The following SH3BGRL2 variants were observed in gnomAD, a reference collection of about 807,000 sequenced individuals.
SH3BGRL2 encodes SH3 domain-binding glutamic acid-rich-like protein 2.
SH3BGRL2 carries 21 observed loss-of-function variants against 14.8 expected under a neutral mutation model. The ratio of observed to expected loss-of-function variants is 1.42; its 90% CI spans 1.01 to 2.05. SH3BGRL2 has a LOEUF of 2.05. Among genes scored for constraint, SH3BGRL2 ranks in the 30% most tolerant of loss-of-function variants. The pLI is 0.00. For synonymous variants in SH3BGRL2, 50 were observed against 47.8 expected (o/e 1.05, Z -0.19); for missense variants, 147 against 130.8 (o/e 1.12, Z -0.61).
the SH3BGRL2 span, among the ~76,000 whole-genome samples, chr6:79,568,575 A>G: frequency 6.6e-6 from 1 of 152,164 alleles, no homozygotes; most frequent in African/African-American, 2.4e-5. Flanking sequence ...ACTACAACAA[A>G]AAAAATTGGA....
intron 1 of SH3BGRL2, among the ~76,000 whole-genome samples, chr6:79,650,323 C>T (rs935979358): frequency 7.2e-5 from 11 of 152,068 alleles, no homozygotes; most frequent in Non-Finnish European, 1.3e-4. Flanking sequence ...GGGAAGCTAA[C>T]ATTACTCAGT....
At chr6:79,661,109 C>CT (rs1394982465) in intron 1 of SH3BGRL2, among the ~76,000 whole-genome samples, 3 of 151,938 alleles carry the variant, frequency 2.0e-5, no homozygotes, top group African/African-American at 7.2e-5. Context: ...TTTTTGAAGG[C>CT]TTTTTTGTGT....
the SH3BGRL2 span, among the ~76,000 whole-genome samples, chr6:79,586,299 G>T: frequency 1.1e-5 from 1 of 93,116 alleles, no homozygotes; most frequent in African/African-American, 4.3e-5. Context: ...TATTTTACAT[G>T]TGGCCCAAGA....
chr6:79,691,462 G>A (rs555239160), intron 2 of SH3BGRL2, among the ~76,000 whole-genome samples: 50 of 144,738 alleles, frequency 3.5e-4, no homozygotes, highest in Non-Finnish European at 7.1e-4. Flanking sequence ...CCATTAACTC[G>A]TCATTTAGCA....
At chr6:79,565,721 A>G in the SH3BGRL2 span, among the ~76,000 whole-genome samples, 1,881 of 152,296 alleles carry the variant, frequency 0.012, 35 homozygotes, top group African/African-American at 0.043. Context: ...CACATTTACG[A>G]ATACCCTTTG....
At chr6:79,577,973 G>C in the SH3BGRL2 span, among the ~76,000 whole-genome samples, 1 of 152,244 alleles carries the variant, frequency 6.6e-6, no homozygotes, top group Non-Finnish European at 1.5e-5. Context: ...ATTCTCTCCT[G>C]TGCCTGGACC....
At chr6:79,589,206 A>ATATT in the SH3BGRL2 span, among the ~76,000 whole-genome samples, 8 of 141,428 alleles carry the variant, frequency 5.7e-5, no homozygotes, top group Admixed American at 1.4e-4. Context: ...ATATATATAT[A>ATATT]TTTTTTTTTT....
intron 1 of SH3BGRL2, among the ~76,000 whole-genome samples, chr6:79,632,206 T>C (rs76224249): frequency 0.022 from 3,284 of 152,302 alleles, 123 homozygotes; most frequent in African/African-American, 0.075. Flanking sequence ...TGGTTTTCTA[T>C]TTAATTATTT....
the SH3BGRL2 span, among the ~76,000 whole-genome samples, chr6:79,604,320 A>G: frequency 6.6e-6 from 1 of 152,210 alleles, no homozygotes; most frequent in East Asian, 1.9e-4. Flanking sequence ...GTTCAAAGCC[A>G]CCTTCCACTT....
intron 2 of SH3BGRL2, among the ~76,000 whole-genome samples, chr6:79,695,544 G>A (rs1770314430): frequency 6.6e-6 from 1 of 152,160 alleles, no homozygotes; most frequent in Non-Finnish European, 1.5e-5. Context: ...ATGCACCCTA[G>A]AGTACAGAAA....
chr6:79,647,384 C>T (rs9352751), intron 1 of SH3BGRL2, among the ~76,000 whole-genome samples: 14,950 of 151,584 alleles, frequency 0.099, 1,058 homozygotes, highest in East Asian at 0.32. Context: ...CTATTCCTTG[C>T]GCAGACCATA....
chr6:79,587,700 C>T, the SH3BGRL2 span, among the ~76,000 whole-genome samples: 1 of 152,036 alleles, frequency 6.6e-6, no homozygotes, highest in Non-Finnish European at 1.5e-5. Context: ...GATAATTAAA[C>T]TGACAAAAGA....
chr6:79,654,840 G>A (rs937574965), intron 1 of SH3BGRL2, among the ~76,000 whole-genome samples: 2 of 152,022 alleles, frequency 1.3e-5, no homozygotes, highest in Admixed American at 6.6e-5. Flanking sequence ...ATTCCTCTTC[G>A]GTGCAGATAT....
intron 2 of SH3BGRL2, among the ~76,000 whole-genome samples, chr6:79,690,228 A>G (rs1376932806): frequency 1.3e-5 from 2 of 151,978 alleles, no homozygotes; most frequent in Admixed American, 6.6e-5. Context: ...CTGGCCACAG[A>G]CAGTCCTCAC....
intron 2 of SH3BGRL2, among the ~76,000 whole-genome samples, chr6:79,686,457 T>C (rs1770091539): frequency 6.6e-6 from 1 of 152,188 alleles, no homozygotes; most frequent in Non-Finnish European, 1.5e-5. Context: ...ATATTCTGCA[T>C]TCTGAAAGGC....
the SH3BGRL2 span, among the ~76,000 whole-genome samples, chr6:79,589,206 A>ATATTT: frequency 1.4e-5 from 2 of 141,430 alleles, no homozygotes; most frequent in Non-Finnish European, 3.1e-5. Flanking sequence ...ATATATATAT[A>ATATTT]TTTTTTTTTT....
At chr6:79,582,141 T>C in the SH3BGRL2 span, among the ~76,000 whole-genome samples, 7 of 151,974 alleles carry the variant, frequency 4.6e-5, no homozygotes, top group African/African-American at 1.7e-4. Context: ...AAAGAGGACA[T>C]AAACAAATGG....
chr6:79,691,018 G>A (rs977598808), intron 2 of SH3BGRL2, among the ~76,000 whole-genome samples: 1 of 152,108 alleles, frequency 6.6e-6, no homozygotes, highest in African/African-American at 2.4e-5. Context: ...AGCTGGGTGT[G>A]GTGGTGTGCA....
At chr6:79,628,277 CTT>C (rs76133633), upstream of SH3BGRL2, among the ~76,000 whole-genome samples, 1 of 145,666 alleles carries the variant, frequency 6.9e-6, no homozygotes, top group African/African-American at 2.5e-5. Flanking sequence ...TATTTAGAAA[CTT>C]TTTTTTTTTG....
Sources: allele counts gnomAD v4.1 joint callset (sites outside exome capture counted in the v4.1 genomes callset), GRCh38; gene constraint gnomAD v4.1.1; transcripts MANE v1.5; gene names NCBI Gene and HGNC (gene_info 2026-07-23, HGNC 2026-07-21).